Variants in SOX6 observed in about 807,000 individuals in gnomAD.
The protein encoded by SOX6 is SRY-box transcription factor 6.
Under a neutral mutation model 97.8 loss-of-function variants are expected in SOX6, and 11 were observed. The ratio of observed to expected loss-of-function variants is 0.11; its 90% CI spans 0.07 to 0.19. The LOEUF (loss-of-function observed/expected upper bound fraction) is 0.19. Ranked by LOEUF, SOX6 falls within the 10% of genes least tolerant of loss-of-function variation. SOX6 has a pLI of 1.00. For synonymous variants in SOX6, 360 were observed against 371.4 expected (o/e 0.97, Z 0.35); for missense variants, 810 against 1,039.5 (o/e 0.78, Z 3.04).
At chr11:16,518,880 CT>C (rs1861014725) in intron 4 of SOX6, among the ~76,000 whole-genome samples, 1 of 152,078 alleles carries the variant, frequency 6.6e-6, no homozygotes, top group African/African-American at 2.4e-5. Context: ...ATGTATCTGC[CT>C]TTCAAAAAAC....
intron 1 of SOX6, chr11:16,738,413 G>A (rs1036595304): frequency 2.7e-5 from 8 of 296,392 alleles, no homozygotes; most frequent in South Asian, 1.0e-4. Flanking sequence ...AAAGCTCTCG[G>A]CCAACGCTCA....
chr11:16,449,515 A>T (rs1315497426), intron 1 of SOX6, among the ~76,000 whole-genome samples: 1 of 151,856 alleles, frequency 6.6e-6, no homozygotes, highest in Non-Finnish European at 1.5e-5. Flanking sequence ...GATGGTCTCG[A>T]TCTCCTGACC....
At position 16,613,402 on chromosome 11, in the gene SOX6, ATCT is replaced by A. The variant is rs1260181961; in HGVS notation, n.430-1145_430-1143del. Among the ~76,000 whole-genome samples the A allele has an allele frequency of 1.3e-5, 2 of 151,788 alleles. No individual in the cohort carries two copies. The highest frequency in any genetic ancestry group is 2.9e-5 in the Non-Finnish European group (2 of 67,978). ...GGTGTCACTAAAACGAGATTAGCAA[ATCT>A]TCTACCGCTGGCGGCGGCAACCAGA... On this transcript the variant is annotated intron_variant and non_coding_transcript_variant, in intron 3 of 5. Coordinates refer to the SOX6 transcript ENST00000524520. This position sits in a 1 kb window ranked among gnomAD's most constrained non-coding sequence, Gnocchi z 4.6.
intron 1 of SOX6, among the ~76,000 whole-genome samples, chr11:16,383,929 A>T (rs1857901571): frequency 6.6e-6 from 1 of 151,958 alleles, no homozygotes; most frequent in African/African-American, 2.4e-5. Context: ...AAATGCAGAC[A>T]CAAGAACTCA....
intron 13 of SOX6, among the ~76,000 whole-genome samples, chr11:16,012,140 A>AT (rs1854750618): frequency 6.6e-6 from 1 of 151,934 alleles, no homozygotes; most frequent in Non-Finnish European, 1.5e-5. Context: ...GGAGCAAATA[A>AT]TTTTTTTAGT....
chr11:16,188,126 G>A (rs1369610816), intron 4 of SOX6, among the ~76,000 whole-genome samples: 1 of 151,234 alleles, frequency 6.6e-6, no homozygotes, highest in African/African-American at 2.4e-5. Context: ...GAGGATGCAG[G>A]CTAGCACTTG....
intron 4 of SOX6, among the ~76,000 whole-genome samples, chr11:16,499,792 A>G (rs1244933402): frequency 6.6e-6 from 1 of 152,196 alleles, no homozygotes; most frequent in Non-Finnish European, 1.5e-5. Flanking sequence ...GACCAATAAC[A>G]GGCTCTGAAA....
At chr11:16,719,991 A>G (rs1388345641) in intron 2 of SOX6, among the ~76,000 whole-genome samples, 1 of 152,212 alleles carries the variant, frequency 6.6e-6, no homozygotes, top group African/African-American at 2.4e-5. Flanking sequence ...GACATAATGA[A>G]ATATTGATAT....
At chr11:16,488,162 C>G (rs1256650486) in intron 4 of SOX6, among the ~76,000 whole-genome samples, 3 of 152,130 alleles carry the variant, frequency 2.0e-5, no homozygotes, top group Non-Finnish European at 4.4e-5. Context: ...TAGAGTAAAT[C>G]ATCCTTACTC....
chr11:16,684,053 G>C (rs1203083166), intron 3 of SOX6, among the ~76,000 whole-genome samples: 1 of 152,198 alleles, frequency 6.6e-6, no homozygotes, highest in Non-Finnish European at 1.5e-5. Flanking sequence ...TCTCACACCA[G>C]TTAGAATGGT....
chr11:16,705,969 G>C (rs1848129116), intron 3 of SOX6, among the ~76,000 whole-genome samples: 1 of 151,660 alleles, frequency 6.6e-6, no homozygotes, highest in Middle Eastern at 3.4e-3. Flanking sequence ...CAAAATGGCA[G>C]AAGTCCTTCC....
intron 4 of SOX6, among the ~76,000 whole-genome samples, chr11:16,591,336 TAGATAGATAGATAGAC>T (rs1325199180): frequency 0.014 from 1,058 of 74,880 alleles, 12 homozygotes; most frequent in African/African-American, 0.04. Flanking sequence ...GATAGATAGA[TAGATAGATAGATAGAC>T]AGATAGATAG....
chr11:16,248,664 G>C (rs1853412942), intron 3 of SOX6, among the ~76,000 whole-genome samples: 1 of 152,202 alleles, frequency 6.6e-6, no homozygotes, highest in Non-Finnish European at 1.5e-5. Context: ...ATATCCCAAA[G>C]CTACACAGTG....
intron 7 of SOX6, among the ~76,000 whole-genome samples, chr11:16,102,349 C>T (rs748097026): frequency 6.6e-6 from 1 of 151,818 alleles, no homozygotes; most frequent in African/African-American, 2.4e-5. Context: ...TACAAGAAAA[C>T]TACAAAACAC....
intron 3 of SOX6, among the ~76,000 whole-genome samples, chr11:16,711,960 A>C (rs1034196664): frequency 6.6e-6 from 1 of 152,184 alleles, no homozygotes; most frequent in Non-Finnish European, 1.5e-5. Context: ...CAGTGAGAAC[A>C]GATGATGTTT....
chr11:16,521,323 G>A (rs561228526), intron 4 of SOX6, among the ~76,000 whole-genome samples: 28 of 152,108 alleles, frequency 1.8e-4, no homozygotes, highest in Non-Finnish European at 3.1e-4. Flanking sequence ...CGCGATTCAC[G>A]AAAATCCACT....
chr11:16,484,051 G>A (rs1206046678), intron 4 of SOX6: 12 of 780,050 alleles, frequency 1.5e-5, no homozygotes, highest in Middle Eastern at 3.6e-4. Flanking sequence ...GAGCCGAGGG[G>A]GCTGTAGGCA....
chr11:16,662,608 A>C (rs1211970339), intron 3 of SOX6, among the ~76,000 whole-genome samples: 1 of 152,248 alleles, frequency 6.6e-6, no homozygotes, highest in East Asian at 1.9e-4. Flanking sequence ...CAATGATACC[A>C]TATTAGCAGA....
intron 1 of SOX6, among the ~76,000 whole-genome samples, chr11:16,354,054 T>C (rs558024607): frequency 2.2e-4 from 34 of 152,102 alleles, no homozygotes; most frequent in African/African-American, 8.2e-4. Flanking sequence ...CAGGATCTAT[T>C]GCCAGAAGGA....
Sources: gnomAD v4.1 joint callset for allele counts (sites outside exome capture counted in the v4.1 genomes callset) on GRCh38, gnomAD v4.1.1 for gene constraint, Gnocchi (gnomAD v3.1) non-coding constraint, MANE v1.5 for transcripts, NCBI Gene and HGNC (gene_info 2026-07-23, HGNC 2026-07-21) for gene names.